Variants in FSTL5 observed in about 807,000 individuals in gnomAD.
FSTL5 encodes follistatin like 5, also known as follistatin-related protein 5.
A neutral mutation model predicts 89.1 loss-of-function variants in FSTL5; 62 were observed. The observed-to-expected ratio is 0.70, with a 90% CI of 0.57 to 0.86. The LOEUF (loss-of-function observed/expected upper bound fraction) is 0.86. FSTL5 is among the 40% of genes least tolerant of loss of function. The pLI is 0.00. For missense variants in FSTL5, 1,057 were observed against 1,001.6 expected, an observed-to-expected ratio of 1.06 and a Z score of -0.75; for synonymous variants, 383 against 346.2, an observed-to-expected ratio of 1.11 and a Z score of -1.18.
chr4:161,472,143 A>AT (rs1269748300), intron 13 of FSTL5, among the ~76,000 whole-genome samples: 11 of 151,850 alleles, frequency 7.2e-5, no homozygotes, highest in African/African-American at 2.2e-4. Flanking sequence ...CGCCCGGCTA[A>AT]TTTTTTTGTA....
At chr4:161,507,422 T>A (rs549938838) in intron 11 of FSTL5, among the ~76,000 whole-genome samples, 1 of 151,906 alleles carries the variant, frequency 6.6e-6, no homozygotes, top group Non-Finnish European at 1.5e-5. Flanking sequence ...ATGTATTATA[T>A]CTATAATTTA....
chr4:161,916,369 TG>T (rs1311883182), intron 4 of FSTL5, among the ~76,000 whole-genome samples: 2 of 152,166 alleles, frequency 1.3e-5, no homozygotes, highest in Non-Finnish European at 2.9e-5. Flanking sequence ...ATGTTTTGTA[TG>T]AGGGAATGAC....
chr4:161,397,558 GA>G (rs952832217), intron 15 of FSTL5, among the ~76,000 whole-genome samples: 1 of 151,092 alleles, frequency 6.6e-6, no homozygotes, highest in African/African-American at 2.4e-5. Context: ...CTATATCGAT[GA>G]AAAAATTGAA....
intron 15 of FSTL5, among the ~76,000 whole-genome samples, chr4:161,394,815 T>C (rs1472018090): frequency 6.6e-6 from 1 of 152,210 alleles, no homozygotes; most frequent in African/African-American, 2.4e-5. Flanking sequence ...TTTTGGGATA[T>C]GTGCAAATTA....
chr4:161,549,524 C>CA (rs947339267), intron 8 of FSTL5, among the ~76,000 whole-genome samples: 3 of 151,770 alleles, frequency 2.0e-5, no homozygotes, highest in African/African-American at 7.3e-5. Context: ...ACAGGCTTAC[C>CA]ACACTGATTC....
rs140934460 is a variant in FSTL5, at chr4:162,015,427, T to C, written c.160+18198A>G. 7.8e-4 allele frequency among the ~76,000 whole-genome samples: 119 copies of C among 152,300 alleles called. 1 individual carries two copies. Among genetic ancestry groups the C allele is most frequent in the African/African-American group, 2.8e-3 (116 of 41,574 alleles). On this transcript the variant is annotated intron_variant, in intron 3 of 15. Transcript: ENST00000306100. Reference sequence around the variant, plus strand: ...CAAAAAGTTTCCATCATTTTCAAAATAGTTTCTGGAATATGCGCTTCTTCT... The same window carrying C: ...CAAAAAGTTTCCATCATTTTCAAAACAGTTTCTGGAATATGCGCTTCTTCT...
At chr4:161,959,570 A>T (rs1735115135) in intron 3 of FSTL5, among the ~76,000 whole-genome samples, 1 of 152,120 alleles carries the variant, frequency 6.6e-6, no homozygotes, top group Non-Finnish European at 1.5e-5. Context: ...CAGGACATTT[A>T]GTCATGCTTT....
chr4:162,041,762 A>G (rs1431085171), intron 2 of FSTL5: 1 of 152,156 alleles, frequency 6.6e-6, no homozygotes, highest in Non-Finnish European at 1.5e-5. Context: ...CAAAAAAAAA[A>G]TCAAACTAGG....
At chr4:161,543,906 G>T (rs1731917267) in intron 8 of FSTL5, among the ~76,000 whole-genome samples, 1 of 151,860 alleles carries the variant, frequency 6.6e-6, no homozygotes, top group Admixed American at 6.6e-5. Flanking sequence ...AAATAAATAT[G>T]TTAGATTTTG....
rs367799552 is a variant in FSTL5, at chr4:162,068,554, G to A, written c.127-34896C>T. The stretch of plus-strand genomic sequence containing the variant: ...ACATTATATACAAAAATTAACTCAA[G>A]ATGGATTAAAGACTTAAACGTAAAA... On this transcript the variant is annotated intron_variant, in intron 2 of 15. Coordinates refer to ENST00000306100, the MANE Select transcript of FSTL5 (RefSeq NM_020116.5). Among the ~76,000 whole-genome samples the A allele has an allele frequency of 1.7e-4, 26 of 152,118 alleles. No homozygotes were observed. In the East Asian group the frequency reaches 1.9e-3, roughly 11 times the overall value.
chr4:161,633,290 T>TA (rs1326460247), intron 7 of FSTL5, among the ~76,000 whole-genome samples: 5 of 108,236 alleles, frequency 4.6e-5, no homozygotes, highest in South Asian at 3.2e-4. Context: ...AACTAATTCT[T>TA]TTTATTATTA....
chr4:162,113,435 T>G (rs1579038604), intron 1 of FSTL5, among the ~76,000 whole-genome samples: 2 of 152,242 alleles, frequency 1.3e-5, no homozygotes, highest in South Asian at 4.1e-4. Context: ...CCCAACCACA[T>G]CCTCGCTAGT....
intron 6 of FSTL5, among the ~76,000 whole-genome samples, chr4:161,741,721 T>G (rs1740036097): frequency 7.0e-6 from 1 of 143,220 alleles, no homozygotes; most frequent in African/African-American, 2.7e-5. Flanking sequence ...GGAGTCTCAC[T>G]CTGTCGCCCA....
chr4:161,679,392 A>C (rs538526765), intron 6 of FSTL5, among the ~76,000 whole-genome samples: 30 of 151,824 alleles, frequency 2.0e-4, no homozygotes, highest in African/African-American at 7.0e-4. Context: ...TTATTATTCT[A>C]CTTTAATATT....
At chr4:161,482,217 G>A (rs1182109142) in intron 12 of FSTL5, among the ~76,000 whole-genome samples, 1 of 152,102 alleles carries the variant, frequency 6.6e-6, no homozygotes, top group South Asian at 2.1e-4. Context: ...TTGGGAGGCC[G>A]AGGCAGGAGA....
In FSTL5 at chr4:161,823,630, T is replaced by G. The variant is rs187112777; in HGVS notation, c.410-47556A>C. On this transcript the variant is annotated intron_variant, in intron 4 of 15. Coordinates refer to ENST00000306100, the MANE Select transcript of FSTL5 (RefSeq NM_020116.5). The stretch of plus-strand genomic sequence containing the variant: ...GTCCAAGTCTGGATCCATGGCTGTG[T>G]GGCTGCAACTGTGCTGAGGATCATG... Among the ~76,000 whole-genome samples the G allele has an allele frequency of 1.9e-3, 290 of 152,248 alleles. 1 individual carries two copies. Among genetic ancestry groups the G allele is most frequent in the African/African-American group, 6.5e-3 (271 of 41,556 alleles).
chr4:161,719,503 T>C (rs1484821692), intron 6 of FSTL5, among the ~76,000 whole-genome samples: 1 of 152,206 alleles, frequency 6.6e-6, no homozygotes, highest in African/African-American at 2.4e-5. Context: ...TAGTGTTTTC[T>C]ATTTCTGTAA....
chr4:161,946,223 C>G (rs1734730320), intron 3 of FSTL5, among the ~76,000 whole-genome samples: 1 of 152,140 alleles, frequency 6.6e-6, no homozygotes, highest in African/African-American at 2.4e-5. Flanking sequence ...TGTACATTCT[C>G]CAATCTTGTC....
intron 4 of FSTL5, among the ~76,000 whole-genome samples, chr4:161,797,220 T>C (rs13130537): frequency 0.74 from 111,971 of 151,428 alleles, 41,417 homozygotes; most frequent in Admixed American, 0.76. Context: ...ATTTCAGATG[T>C]TTTGAGATTT....
Sources: gnomAD v4.1 joint callset for allele counts (sites outside exome capture counted in the v4.1 genomes callset) on GRCh38, gnomAD v4.1.1 for gene constraint, MANE v1.5 for transcripts, NCBI Gene and HGNC (gene_info 2026-07-23, HGNC 2026-07-21) for gene names.